The following EFHD2 variants were observed in gnomAD, a reference collection of about 807,000 sequenced individuals.
EFHD2 encodes EF-hand domain-containing protein D2.
In EFHD2, 12 loss-of-function variants were observed where a neutral mutation model predicts 20.3. The ratio of observed to expected loss-of-function variants is 0.59; its 90% CI spans 0.38 to 0.96. The LOEUF (loss-of-function observed/expected upper bound fraction) is 0.96, where lower values mean the gene tolerates loss of function less well. Among genes scored for constraint, EFHD2 ranks in the 40% least tolerant of loss-of-function variants. EFHD2 has a pLI of 0.00. For missense variants in EFHD2, 250 were observed against 334.3 expected, an observed-to-expected ratio of 0.75 and a Z score of 1.97; for synonymous variants, 131 against 143.9, an observed-to-expected ratio of 0.91 and a Z score of 0.64.
intron 1 of EFHD2, among the ~76,000 whole-genome samples, chr1:15,412,564 G>A (rs578160543): frequency 1.3e-5 from 2 of 152,220 alleles, no homozygotes; most frequent in Admixed American, 6.5e-5. Flanking sequence ...TTCCGTGTTC[G>A]TGGCGGATTG....
chr1:15,410,201 G>T lies in EFHD2; in HGVS notation c.230G>T (p.Arg77Leu). 3.1e-6 allele frequency: 5 copies of T among 1,604,836 alleles called. No individual in the cohort carries two copies. The highest frequency in any genetic ancestry group is 4.2e-6 in the Non-Finnish European group (5 of 1,176,698). ...QGIGEPQSPS[R>L]RVFNPYTEFK... is the part of the protein sequence containing the mutation. Reference sequence around the variant, plus strand: ...ATCGGCGAGCCCCAGTCGCCCAGCCGCCGCGTCTTCAACCCCTACACCGAG... The same window carrying T: ...ATCGGCGAGCCCCAGTCGCCCAGCCTCCGCGTCTTCAACCCCTACACCGAG... The change falls in exon 1 of 4, where the codon CGC becomes CTC. Residue 77 changes from arginine (R) to leucine (L), a missense_variant. Arg to Leu is a moderately radical substitution (Grantham distance 102, BLOSUM62 -2). Around this residue, in one of 3 missense-constraint regions of EFHD2, gnomAD observed 143 missense variants for 190.6 expected, o/e 0.75. Coordinates refer to ENST00000375980, the MANE Select transcript of EFHD2 (RefSeq NM_024329.6).
At chr1:15,412,896 C>T (rs1322293321) in intron 1 of EFHD2, among the ~76,000 whole-genome samples, 3 of 152,222 alleles carry the variant, frequency 2.0e-5, no homozygotes, top group Non-Finnish European at 4.4e-5. Context: ...CCCTTGGCAC[C>T]TGCACTTCTT....
At chr1:15,418,474 T>C (rs1448745564) in intron 1 of EFHD2, among the ~76,000 whole-genome samples, 1 of 150,878 alleles carries the variant, frequency 6.6e-6, no homozygotes, top group Non-Finnish European at 1.5e-5. Context: ...CCCGGCTAAT[T>C]TTTTGTATTT....
chr1:15,426,523 A>G lies in EFHD2; in HGVS notation c.456+505A>G, dbSNP rs1707874133. ...CCAGACAGCGATGATACTGGACCCC[A>G]GGAAGTACAGGGATGGACCCCAGGA... On this transcript the variant is annotated intron_variant, in intron 2 of 3. Transcript: ENST00000375980. The surrounding 1 kb of genome is among the most constrained non-coding windows in gnomAD (Gnocchi z 4.6). 6.6e-6 allele frequency among the ~76,000 whole-genome samples: 1 copy of G among 152,098 alleles called. No individual in the cohort carries two copies. Among genetic ancestry groups the G allele is most frequent in the African/African-American group, 2.4e-5 (1 of 41,406 alleles).
intron 3 of EFHD2, among the ~76,000 whole-genome samples, 160 bp downstream of exon 3, chr1:15,427,444 T>C (rs1270512727): frequency 6.6e-6 from 1 of 152,208 alleles, no homozygotes; most frequent in African/African-American, 2.4e-5. Flanking sequence ...CTCTGTCTTC[T>C]GTCTTCTCCC....
chr1:15,428,268 G>A (rs1707906835), intron 3 of EFHD2, among the ~76,000 whole-genome samples: 1 of 152,108 alleles, frequency 6.6e-6, no homozygotes, highest in South Asian at 2.1e-4. Context: ...TGAGGCGGGT[G>A]GATCACCTGA....
intron 3 of EFHD2, chr1:15,427,798 T>G (rs1341741247): frequency 4.8e-6 from 2 of 414,546 alleles, no homozygotes; most frequent in Non-Finnish European, 1.0e-5. Context: ...CTCTCCCGCC[T>G]TGTTTCTCTC....
At chr1:15,415,293 G>A (rs1049362515) in intron 1 of EFHD2, among the ~76,000 whole-genome samples, 1 of 152,074 alleles carries the variant, frequency 6.6e-6, no homozygotes, top group African/African-American at 2.4e-5. Context: ...CTTTATTTCT[G>A]CCATGATTAC....
intron 1 of EFHD2, among the ~76,000 whole-genome samples, chr1:15,412,074 A>T (rs760935): frequency 1 from 151,497 of 152,062 alleles, 75,468 homozygotes; most frequent in Middle Eastern, 1. Context: ...CCCAGGGCCC[A>T]GAACCTCTTC....
At chr1:15,427,383 GCAGA>G (rs1423558339) in intron 3 of EFHD2, 99 bp downstream of exon 3, 27 of 1,492,754 alleles carry the variant, frequency 1.8e-5, no homozygotes, top group East Asian at 2.5e-5. Context: ...TGCTGAGGCT[GCAGA>G]CAGAGATGGG....
At chr1:15,417,532 C>T (rs1707693644) in intron 1 of EFHD2, among the ~76,000 whole-genome samples, 2 of 152,136 alleles carry the variant, frequency 1.3e-5, no homozygotes. Context: ...GAGCCCCAAG[C>T]GCCACACTTA....
At chr1:15,416,652 A>G (rs1200856660) in intron 1 of EFHD2, among the ~76,000 whole-genome samples, 1 of 151,460 alleles carries the variant, frequency 6.6e-6, no homozygotes, top group Non-Finnish European at 1.5e-5. Context: ...CCAAAGTCAC[A>G]TAGCCAGTGA....
chr1:15,426,063 T>A lies in EFHD2; in HGVS notation c.456+45T>A. ...CCACTCCCCTACCAGGGGCTTCACCTGAGGACCTGGTGGCCCGGGAGAGAC... is the reference window on the plus strand; with the variant it reads ...CCACTCCCCTACCAGGGGCTTCACCAGAGGACCTGGTGGCCCGGGAGAGAC... On this transcript the variant is annotated intron_variant, in intron 2 of 3. Coordinates refer to ENST00000375980, the MANE Select transcript of EFHD2 (RefSeq NM_024329.6). The surrounding 1 kb of genome is among the most constrained non-coding windows in gnomAD (Gnocchi z 4.6). The A allele has an allele frequency of 6.6e-7, 1 of 1,520,056 alleles. No individual in the cohort carries two copies. Among genetic ancestry groups the A allele is most frequent in the Non-Finnish European group, 8.8e-7 (1 of 1,137,792 alleles). The allele number at this position is 1,520,056 out of a possible 1,614,324, so 94.2% of individuals were successfully genotyped here. A position where few individuals can be genotyped will look rare whatever the true frequency, so the allele number is the denominator to read the frequency against.
At chr1:15,422,084 C>CTTTT (rs1557500519) in intron 1 of EFHD2, among the ~76,000 whole-genome samples, 1 of 128,534 alleles carries the variant, frequency 7.8e-6, no homozygotes, top group African/African-American at 2.9e-5. Context: ...CAGGTCATTC[C>CTTTT]ATTTTTTTTT....
Position 15,410,340 on chromosome 1 carries a change from C to A in EFHD2, c.308+61C>A, listed in dbSNP as rs1570757058. The A allele has an allele frequency of 6.1e-6, 9 of 1,487,132 alleles. No homozygotes were observed. The East Asian group carries it at 1.7e-4, about 28-fold the overall frequency. 92.1% of individuals were successfully genotyped at this position (1,487,132 alleles called of 1,614,324 possible). ...CGCGACCCGGTCTCGGGCCCCGAAC[C>A]CCCCGATCCCCGGATCCCGCTCCGC... On this transcript the variant is annotated intron_variant, in intron 1 of 3. Transcript: ENST00000375980.
chr1:15,423,146 G>T (rs1013854465), intron 1 of EFHD2, among the ~76,000 whole-genome samples: 4 of 152,192 alleles, frequency 2.6e-5, no homozygotes, highest in Admixed American at 6.5e-5. Flanking sequence ...CGCCTCCGCT[G>T]TGCCCCCCAG....
Position 15,425,979 on chromosome 1 carries a change from G to A in EFHD2, c.417G>A (p.Glu139=), listed in dbSNP as rs1405884422. 2 of 1,596,952 alleles carry A rather than the reference G, an allele frequency of 1.3e-6. No homozygotes were observed. Among genetic ancestry groups the A allele is most frequent in the East Asian group, 4.6e-5 (2 of 43,320 alleles). The change falls in exon 2 of 4, where the codon GAG becomes GAA. Residue 139 remains glutamate, a synonymous_variant. Coordinates refer to ENST00000375980, the MANE Select transcript of EFHD2 (RefSeq NM_024329.6). ...TGGGCCTGAAAAACATGATCAAGGA[G>A]GTGGATGAGGACTTTGACAGCAAGC... is the stretch of plus-strand genomic sequence containing the variant. ...THLGLKNMIK[E]VDEDFDSKLS... is the part of the protein sequence containing the mutation.
chr1:15,410,425 C>A, intron 1 of EFHD2, 146 bp downstream of exon 1: 1 of 1,045,446 alleles, frequency 9.6e-7, no homozygotes, highest in Non-Finnish European at 1.3e-6. Context: ...GTTGGGGACC[C>A]GGCGGCCCCT....
intron 1 of EFHD2, among the ~76,000 whole-genome samples, chr1:15,425,202 G>C (rs1030802410): frequency 6.6e-6 from 1 of 152,122 alleles, no homozygotes; most frequent in Non-Finnish European, 1.5e-5. Context: ...GCTCAGCTCA[G>C]AGCCTGATCC....
Sources: allele counts gnomAD v4.1 joint callset (sites outside exome capture counted in the v4.1 genomes callset), GRCh38; gene constraint gnomAD v4.1.1; regional missense constraint gnomAD v4.1.1; non-coding constraint Gnocchi (gnomAD v3.1); transcripts MANE v1.5; gene names NCBI Gene and HGNC (gene_info 2026-07-23, HGNC 2026-07-21).